Variants in NUP62CL observed in about 807,000 individuals in gnomAD.
The protein encoded by NUP62CL is nucleoporin 62 C-terminal like.
NUP62CL carries 13 observed loss-of-function variants against 15.3 expected under a neutral mutation model. That is an observed-to-expected ratio of 0.85 (90% confidence interval 0.55 to 1.35). The LOEUF (loss-of-function observed/expected upper bound fraction) is 1.35, where lower values mean the gene tolerates loss of function less well. NUP62CL is among the 40% of genes most tolerant of loss of function. The pLI, the probability that NUP62CL is intolerant of heterozygous loss-of-function variation, is 0.00. For synonymous variants in NUP62CL, 54 were observed against 49.2 expected, an observed-to-expected ratio of 1.10 and a Z score of -0.41; for missense variants, 123 against 130.6, an observed-to-expected ratio of 0.94 and a Z score of 0.28.
intron 4 of NUP62CL, among the ~76,000 whole-genome samples, chrX:107,165,997 A>C (rs917103117): frequency 2.7e-5 from 3 of 111,849 alleles, no homozygotes; most frequent in African/African-American, 9.7e-5. Context: ...ATCTAGGGCT[A>C]AGAAAAGATT....
intron 2 of NUP62CL, among the ~76,000 whole-genome samples, 175 bp from the exon 3 acceptor site, chrX:107,175,368 A>AT (rs1042304240): frequency 8.9e-6 from 1 of 111,886 alleles, no homozygotes; most frequent in African/African-American, 3.3e-5. Context: ...AAAACAGTTC[A>AT]TTGGTACTAC....
intron 1 of NUP62CL, among the ~76,000 whole-genome samples, chrX:107,195,675 G>A (rs1465747707): frequency 8.9e-6 from 1 of 111,767 alleles, no homozygotes; most frequent in East Asian, 2.8e-4. Flanking sequence ...TTATTTTCAA[G>A]TCTTATACAC....
At chrX:107,139,032 G>A (rs748201338) in intron 8 of NUP62CL, among the ~76,000 whole-genome samples, 5 of 111,656 alleles carry the variant, frequency 4.5e-5, no homozygotes, top group Non-Finnish European at 9.4e-5. Flanking sequence ...ATTATGCTGA[G>A]GGGGAAAAAA....
rs1319105587 is a variant in NUP62CL at position 107,154,076 on chromosome X, T to A, written c.345+20A>T. ...AAATACTTGCACAATGTAGGTAGAT[T>A]AATGAAAATATTTTCTTACCATCTC... On this transcript the variant is annotated intron_variant, in intron 5 of 8. Coordinates refer to ENST00000372466, the MANE Select transcript of NUP62CL (RefSeq NM_017681.3). 8.5e-7 allele frequency: 1 copy of A among 1,173,818 alleles called. No individual in the cohort carries two copies. The highest frequency in any genetic ancestry group is 1.8e-5 in the African/African-American group (1 of 56,814).
At chrX:107,134,979 G>A (rs1476337691) in intron 8 of NUP62CL, among the ~76,000 whole-genome samples, 1 of 111,524 alleles carries the variant, frequency 9.0e-6, no homozygotes, top group East Asian at 2.8e-4. Context: ...AGGTTCAAGC[G>A]ATTATCATGC....
intron 3 of NUP62CL, among the ~76,000 whole-genome samples, chrX:107,168,363 T>G (rs2147806681): frequency 8.9e-6 from 1 of 111,757 alleles, no homozygotes; most frequent in Admixed American, 9.5e-5. Flanking sequence ...TAGGCATGCA[T>G]TTTTGCAAAC....
chrX:107,153,225 A>G lies in NUP62CL; in HGVS notation c.477T>C (p.Arg159=), dbSNP rs1285590. ...FLLTYLEEST[R]DQSGLHYLQD... is the part of the protein sequence containing the mutation. ...GCAGATAATGAAGTCCACTCTGGTC[A>G]CGCGTAGACTCCTCTAAATAAGTCA... is the stretch of plus-strand genomic sequence containing the variant. Residue 159 remains arginine, a synonymous_variant, in exon 7 of 9, where the codon CGT becomes CGC. Coordinates refer to ENST00000372466, the MANE Select transcript of NUP62CL (RefSeq NM_017681.3). 270,783 of 1,203,057 alleles carry G rather than the reference A, an allele frequency of 0.23. 30,280 individuals are homozygous for G. Among genetic ancestry groups the G allele is most frequent in the African/African-American group, 0.78 (43,897 of 56,574 alleles).
chrX:107,171,016 T>C (rs1232539867), intron 3 of NUP62CL, among the ~76,000 whole-genome samples: 2 of 112,220 alleles, frequency 1.8e-5, no homozygotes, highest in African/African-American at 6.5e-5. Flanking sequence ...TATTCTACTA[T>C]CAAATTTTCC....
At chrX:107,201,605 T>C (rs1927485997) in intron 1 of NUP62CL, among the ~76,000 whole-genome samples, 1 of 107,459 alleles carries the variant, frequency 9.3e-6, no homozygotes, top group African/African-American at 3.4e-5. Flanking sequence ...CATTTTAAAA[T>C]CTCAAAAATA....
intron 7 of NUP62CL, among the ~76,000 whole-genome samples, chrX:107,150,206 T>C: frequency 8.9e-6 from 1 of 112,125 alleles, no homozygotes; most frequent in Admixed American, 9.4e-5. Context: ...CTAACACTTA[T>C]ATAAGTATGT....
At chrX:107,200,729 G>A in intron 1 of NUP62CL, among the ~76,000 whole-genome samples, 1 of 109,365 alleles carries the variant, frequency 9.1e-6, no homozygotes, top group Non-Finnish European at 1.9e-5. Flanking sequence ...AGGTATGGCA[G>A]CTTGGAAAGG....
intron 4 of NUP62CL, 131 bp from the exon 5 acceptor site, chrX:107,154,377 A>C: frequency 2.3e-6 from 1 of 441,521 alleles, no homozygotes; most frequent in South Asian, 5.8e-5. Context: ...CTGCTTCCCA[A>C]GAAAACAAAC....
intron 8 of NUP62CL, among the ~76,000 whole-genome samples, chrX:107,145,895 T>C (rs2147796089): frequency 8.9e-6 from 1 of 111,751 alleles, no homozygotes; most frequent in East Asian, 2.8e-4. Flanking sequence ...GTCTCACACA[T>C]AGAATGTCTG....
At position 107,194,883 on chromosome X, in the gene NUP62CL, C is replaced by T. The variant is rs1927328157; in HGVS notation, c.-91-1811G>A. Among the ~76,000 whole-genome samples the T allele has an allele frequency of 3.2e-5, 3 of 93,421 alleles. No homozygotes were observed. In the Admixed American group the frequency reaches 3.9e-4, roughly 12 times the overall value. The allele number at this position is 93,421 out of a possible 115,157, so 81.1% of individuals were successfully genotyped here. A position where few individuals can be genotyped will look rare whatever the true frequency, so the allele number is the denominator to read the frequency against. On this transcript the variant is annotated intron_variant, in intron 1 of 8. Coordinates refer to ENST00000372466, the MANE Select transcript of NUP62CL (RefSeq NM_017681.3). ...CCAGGCTGGAGTGCAGTGGCACAAT[C>T]TCAGCTCACTGTAACCTCCGCGTCC...
At chrX:107,137,015 G>A (rs1925656299) in intron 8 of NUP62CL, among the ~76,000 whole-genome samples, 1 of 112,162 alleles carries the variant, frequency 8.9e-6, no homozygotes, top group East Asian at 2.8e-4. Context: ...AGTGAGCCAA[G>A]TTTGCACCAT....
At chrX:107,183,425 T>G (rs997594304) in intron 2 of NUP62CL, among the ~76,000 whole-genome samples, 6 of 110,662 alleles carry the variant, frequency 5.4e-5, no homozygotes, top group Non-Finnish European at 9.5e-5. Context: ...AATGAGACCC[T>G]GGCTCTATTG....
At chrX:107,194,918 G>C (rs138171765) in intron 1 of NUP62CL, among the ~76,000 whole-genome samples, 2,505 of 101,005 alleles carry the variant, frequency 0.025, 97 homozygotes, top group African/African-American at 0.087. Context: ...CCGGATTCAA[G>C]CAATTCTCCC....
chrX:107,132,697 T>C (rs1305766659), intron 8 of NUP62CL, among the ~76,000 whole-genome samples: 2 of 112,037 alleles, frequency 1.8e-5, no homozygotes, highest in Non-Finnish European at 3.8e-5. Flanking sequence ...AGGTCGAGGC[T>C]GCAGTGAGCT....
chrX:107,170,978 TA>T (rs1196197864), intron 3 of NUP62CL, among the ~76,000 whole-genome samples: 1 of 112,102 alleles, frequency 8.9e-6, no homozygotes, highest in Non-Finnish European at 1.9e-5. Context: ...AACTCACATT[TA>T]AAAAATAATG....
Sources: gnomAD v4.1 joint callset for allele counts (sites outside exome capture counted in the v4.1 genomes callset) on GRCh38, gnomAD v4.1.1 for gene constraint, MANE v1.5 for transcripts, NCBI Gene and HGNC (gene_info 2026-07-23, HGNC 2026-07-21) for gene names.